Variants in GINS4 observed in about 807,000 individuals in gnomAD.
GINS4 encodes the protein GINS complex subunit 4.
GINS4 carries 20 observed loss-of-function variants against 31.1 expected under a neutral mutation model. That is an observed-to-expected ratio of 0.64 (90% CI 0.45 to 0.93). The LOEUF is 0.93. GINS4 is among the 40% of genes least tolerant of loss of function. GINS4 has a pLI of 0.00. For synonymous variants in GINS4, 85 were observed against 97.9 expected (o/e 0.87, Z 0.78); for missense variants, 245 against 273.9 (o/e 0.89, Z 0.75).
chr8:41,539,386 A>C (rs958106276), intron 4 of GINS4, among the ~76,000 whole-genome samples: 2 of 151,566 alleles, frequency 1.3e-5, no homozygotes, highest in Non-Finnish European at 2.9e-5. Context: ...GGTCTTTCAC[A>C]AAAGACTTCC....
At chr8:41,541,726 C>A in intron 6 of GINS4, 83 bp from the exon 7 acceptor site, 1 of 1,017,448 alleles carries the variant, frequency 9.8e-7, no homozygotes, top group Non-Finnish European at 1.5e-6. Flanking sequence ...CCTGAGTGTG[C>A]CATACCATTC....
At position 41,531,850 on chromosome 8, in the gene GINS4, G is replaced by A. The variant is rs546770706; in HGVS notation, c.96+1552G>A. 2.0e-5 allele frequency among the ~76,000 whole-genome samples: 3 copies of A among 152,326 alleles called. No individual in the cohort carries two copies. In the East Asian group the frequency reaches 5.8e-4, roughly 29 times the overall value. The stretch of plus-strand genomic sequence containing the variant: ...AGGGATACATTCCTGGAGTGCAGTG[G>A]TGTGATCTTGGTTCACTTGCAGCCT... On this transcript the variant is annotated intron_variant, in intron 2 of 7. Coordinates refer to ENST00000276533, the MANE Select transcript of GINS4 (RefSeq NM_032336.3).
In GINS4 at chr8:41,530,246, G is replaced by T. The variant is rs1425052360; in HGVS notation, c.44G>T (p.Gly15Val). 1.2e-6 allele frequency: 2 copies of T among 1,613,876 alleles called. No individual in the cohort carries two copies. The highest frequency in any genetic ancestry group is 1.1e-5 in the South Asian group (1 of 91,078). The change falls in exon 2 of 8, where the codon GGT becomes GTT. Residue 15 changes from glycine (G) to valine (V), a missense_variant. Coordinates refer to ENST00000276533, the MANE Select transcript of GINS4 (RefSeq NM_032336.3). ...VDFLGQDSDG[G>V]SEEVVLTPAE... The stretch of plus-strand genomic sequence containing the variant: ...TTCCTGGGACAGGACTCTGATGGGG[G>T]TAGTGAGGAAGTGGTCCTAACTCCT...
chr8:41,540,931 T>C (rs1329383041), intron 6 of GINS4, among the ~76,000 whole-genome samples: 1 of 152,178 alleles, frequency 6.6e-6, no homozygotes, highest in African/African-American at 2.4e-5. Flanking sequence ...CTGTTCCTCA[T>C]AGATGGCGCC....
chr8:41,534,616 T>C (rs778027501), intron 2 of GINS4, among the ~76,000 whole-genome samples: 31 of 152,302 alleles, frequency 2.0e-4, no homozygotes, highest in Admixed American at 3.3e-4. Flanking sequence ...TTGAATATCC[T>C]GTCATGAACA....
rs1806878767 is a variant in GINS4 at position 41,543,426 on chromosome 8, G to A, written c.*1339G>A. Reference sequence around the variant, plus strand: ...CGTTAACCATCTTGTATTGTGACCTGTGGCCGCTTTTCTGGTTTAAGTCCT... The same window carrying A: ...CGTTAACCATCTTGTATTGTGACCTATGGCCGCTTTTCTGGTTTAAGTCCT... On this transcript the variant is annotated 3_prime_UTR_variant, in exon 8 of 8. Coordinates refer to ENST00000276533, the MANE Select transcript of GINS4 (RefSeq NM_032336.3). 3 of 152,278 alleles carry A rather than the reference G, an allele frequency of 2.0e-5. No homozygotes were observed. Among genetic ancestry groups the A allele is most frequent in the South Asian group, 2.1e-4 (1 of 4,828 alleles). The allele number at this position is 152,278 out of a possible 1,614,324, so 9.4% of individuals were successfully genotyped here.
intron 3 of GINS4, 39 bp from the exon 4 acceptor site, chr8:41,537,141 C>T: frequency 2.2e-6 from 3 of 1,372,690 alleles, no homozygotes; most frequent in South Asian, 2.4e-5. Context: ...GATGGTTGAA[C>T]ATCATGTTTT....
intron 6 of GINS4, among the ~76,000 whole-genome samples, chr8:41,541,380 C>A (rs73618906): frequency 0.025 from 3,833 of 152,234 alleles, 104 homozygotes; most frequent in African/African-American, 0.055. Context: ...GGCCTATTCT[C>A]TTCTTATAAG....
rs1806870692 is a variant in GINS4, at chr8:41,542,966, A to C, written c.*879A>C. The C allele has an allele frequency of 6.6e-6, 1 of 152,268 alleles. No individual in the cohort carries two copies. Among genetic ancestry groups the C allele is most frequent in the Non-Finnish European group, 1.5e-5 (1 of 68,068 alleles). The allele number at this position is 152,268 out of a possible 1,614,324, so 9.4% of individuals were successfully genotyped here. ...TTGTAGTATTTTCTGAGCTAAGGAA[A>C]GTCAGGCAGAAGTAGTTCATAAGAA... is the stretch of plus-strand genomic sequence containing the variant. On this transcript the variant is annotated 3_prime_UTR_variant, in exon 8 of 8. Transcript: ENST00000276533.
At chr8:41,534,267 C>A in intron 2 of GINS4, 1 of 429,064 alleles carries the variant, frequency 2.3e-6, no homozygotes, top group South Asian at 1.7e-5. Flanking sequence ...ATTAGCCAGG[C>A]TTTGTGGTAT....
At chr8:41,534,006 A>G (rs948089127) in intron 2 of GINS4, 2 of 158,030 alleles carry the variant, frequency 1.3e-5, no homozygotes, top group African/African-American at 4.8e-5. Context: ...AAAGACCTCC[A>G]TCTCCAAATA....
chr8:41,537,448 C>T lies in GINS4; in HGVS notation c.297+155C>T, dbSNP rs985724661. On this transcript the variant is annotated intron_variant, in intron 4 of 7. Transcript: ENST00000276533. ...CCATGTAGCTAAACTGTAAGGAGAG[C>T]GAGAGATTGCTCCACAGAAGCACAG... is the stretch of plus-strand genomic sequence containing the variant. 1.2e-4 allele frequency: 68 copies of T among 575,568 alleles called. No individual in the cohort carries two copies. Among genetic ancestry groups the T allele is most frequent in the Middle Eastern group, 4.6e-4 (1 of 2,158 alleles). 35.7% of individuals were successfully genotyped at this position (575,568 alleles called of 1,614,324 possible).
Position 41,542,177 on chromosome 8 carries a change from T to A in GINS4, c.*90T>A, listed in dbSNP as rs1585625372. ...GGCGGGCGGATCATGAGGTCAGGAG[T>A]TCGAGACCAACCGACCAACATGGTG... is the stretch of plus-strand genomic sequence containing the variant. On this transcript the variant is annotated 3_prime_UTR_variant, in exon 8 of 8. Transcript: ENST00000276533. The A allele has an allele frequency of 1.1e-6, 1 of 901,188 alleles. No individual in the cohort carries two copies. Among genetic ancestry groups the A allele is most frequent in the Non-Finnish European group, 1.9e-6 (1 of 540,008 alleles). 55.8% of individuals were successfully genotyped at this position (901,188 alleles called of 1,614,324 possible).
intron 7 of GINS4, 25 bp downstream of exon 7, chr8:41,541,924 T>G: frequency 6.2e-7 from 1 of 1,611,834 alleles, no homozygotes; most frequent in South Asian, 1.1e-5. Context: ...TCTTTCACAG[T>G]GGGCACATTC....
At chr8:41,532,301 C>G (rs966182754) in intron 2 of GINS4, among the ~76,000 whole-genome samples, 2 of 152,158 alleles carry the variant, frequency 1.3e-5, no homozygotes, top group Admixed American at 6.5e-5. Context: ...AGATGTTCAA[C>G]CTTTTTAGTA....
At chr8:41,531,743 T>C (rs1360883022) in intron 2 of GINS4, among the ~76,000 whole-genome samples, 2 of 152,136 alleles carry the variant, frequency 1.3e-5, no homozygotes, top group African/African-American at 4.8e-5. Flanking sequence ...ACCTAGTTTG[T>C]GGAACAGCAT....
intron 2 of GINS4, among the ~76,000 whole-genome samples, chr8:41,532,308 A>G (rs1235391624): frequency 1.3e-5 from 2 of 151,102 alleles, no homozygotes; most frequent in Non-Finnish European, 3.0e-5. Context: ...CAACCTTTTT[A>G]GTAATCAGGA....
intron 2 of GINS4, among the ~76,000 whole-genome samples, chr8:41,535,775 G>C (rs1258774392): frequency 6.6e-6 from 1 of 152,094 alleles, no homozygotes; most frequent in Non-Finnish European, 1.5e-5. Context: ...TTTAACCTCT[G>C]GCTCCAAAAC....
intron 3 of GINS4, 36 bp downstream of exon 3, chr8:41,536,482 G>A: frequency 7.6e-7 from 1 of 1,319,204 alleles, no homozygotes; most frequent in Non-Finnish European, 1.1e-6. Flanking sequence ...CAAAGGAGGA[G>A]AAAGGTAAAA....
Sources: allele counts gnomAD v4.1 joint callset (sites outside exome capture counted in the v4.1 genomes callset), GRCh38; gene constraint gnomAD v4.1.1; transcripts MANE v1.5; gene names NCBI Gene and HGNC (gene_info 2026-07-23, HGNC 2026-07-21).